ANKRD13B: variants seen among roughly 807,000 people sequenced by gnomAD.
The protein encoded by ANKRD13B is ankyrin repeat domain 13B.
ANKRD13B carries 33 observed loss-of-function variants against 74.4 expected under a neutral mutation model. The observed-to-expected ratio is 0.44, with a 90% CI of 0.34 to 0.59. The LOEUF (loss-of-function observed/expected upper bound fraction) is 0.59. Ranked by LOEUF, ANKRD13B falls within the 20% of genes least tolerant of loss-of-function variation. The pLI is 0.02. For synonymous variants in ANKRD13B, 341 were observed against 362.9 expected, an observed-to-expected ratio of 0.94 and a Z score of 0.68; for missense variants, 676 against 877.9, an observed-to-expected ratio of 0.77 and a Z score of 2.91.
At chr17:29,597,886 G>A (rs1437623514) in intron 1 of ANKRD13B, among the ~76,000 whole-genome samples, 13 of 152,162 alleles carry the variant, frequency 8.5e-5, no homozygotes, top group Non-Finnish European at 8.8e-5. Flanking sequence ...CCGCTCTCTG[G>A]AGCCTGGAGC....
At chr17:29,602,947 G>C (rs538782129) in intron 1 of ANKRD13B, among the ~76,000 whole-genome samples, 8 of 152,170 alleles carry the variant, frequency 5.3e-5, no homozygotes, top group Non-Finnish European at 8.8e-5. Context: ...CCCTTCCCGG[G>C]TTCAAGCGAT....
chr17:29,611,904 C>A lies in ANKRD13B; in HGVS notation c.998C>A (p.Ala333Asp). The A allele has an allele frequency of 6.2e-7, 1 of 1,613,432 alleles. No individual in the cohort carries two copies. Among genetic ancestry groups the A allele is most frequent in the Non-Finnish European group, 8.5e-7 (1 of 1,179,628 alleles). ...GTLITQTLSQ[A>D]NPTAITAEEY... ...CTGATCACTCAGACTCTGAGCCAAG[C>A]CAACCCCACTGCCATCACTGCAGAA... Residue 333 changes from alanine (A) to aspartate (D), a missense_variant, in exon 10 of 15, where the codon GCC becomes GAC. By Grantham distance (126) the Ala-to-Asp change is moderately radical (BLOSUM62 -2). Coordinates refer to ENST00000394859, the MANE Select transcript of ANKRD13B (RefSeq NM_152345.5). This position sits in a 1 kb window ranked among gnomAD's most constrained non-coding sequence, Gnocchi z 4.3.
At chr17:29,606,379 C>G (rs1389462817) in intron 1 of ANKRD13B, among the ~76,000 whole-genome samples, 1 of 148,216 alleles carries the variant, frequency 6.7e-6, no homozygotes, top group East Asian at 2.1e-4. Flanking sequence ...GGCAACATAT[C>G]AAAACCCCGT....
In ANKRD13B at chr17:29,612,069, A is replaced by G. The variant is rs778434852; in HGVS notation, c.1101-47A>G. On this transcript the variant is annotated intron_variant, in intron 10 of 14. Coordinates refer to ENST00000394859, the MANE Select transcript of ANKRD13B (RefSeq NM_152345.5). The surrounding 1 kb of genome is among the most constrained non-coding windows in gnomAD (Gnocchi z 6.1). ...GGGCTCCAGGAGATGCTGGGAGGCC[A>G]TGGCTTCCTGCAGTGTCCCTTACCC... 5.0e-6 allele frequency: 8 copies of G among 1,609,244 alleles called. No homozygotes were observed. Among genetic ancestry groups the G allele is most frequent in the Admixed American group, 1.7e-5 (1 of 59,730 alleles).
Position 29,608,124 on chromosome 17 carries a change from TC to T in ANKRD13B, c.375+15del, listed in dbSNP as rs2034453985. 1 of 1,613,420 alleles carries T rather than the reference TC, an allele frequency of 6.2e-7. No homozygotes were observed. Among genetic ancestry groups the T allele is most frequent in the Non-Finnish European group, 8.5e-7 (1 of 1,179,640 alleles). On this transcript the variant is annotated intron_variant, in intron 3 of 14. Transcript: ENST00000394859. The surrounding 1 kb of genome is among the most constrained non-coding windows in gnomAD (Gnocchi z 6.4). ...AAGCTGCGCAAGGTGAGGCCCAGCC[TC>T]TCAGCCTCCACGGGAGCCCTTGAGC...
chr17:29,604,035 G>A (rs1433430962), intron 1 of ANKRD13B, among the ~76,000 whole-genome samples: 1 of 151,172 alleles, frequency 6.6e-6, no homozygotes, highest in Admixed American at 6.6e-5. Flanking sequence ...GTGAGCCACC[G>A]CACCCTGCCT....
chr17:29,606,728 T>TAAAAAAA (rs370548766), intron 1 of ANKRD13B, among the ~76,000 whole-genome samples: 1 of 62,974 alleles, frequency 1.6e-5, no homozygotes, highest in Non-Finnish European at 2.9e-5. Context: ...CTGTCTCAAG[T>TAAAAAAA]AAAAAAAAAA....
chr17:29,610,570 T>C (rs1406775323), intron 7 of ANKRD13B, 115 bp from the exon 8 acceptor site: 9 of 747,860 alleles, frequency 1.2e-5, no homozygotes, highest in African/African-American at 1.8e-5. Context: ...CCCAAAAGCC[T>C]GAAGCAGAGT....
chr17:29,612,644 G>GC lies in ANKRD13B; in HGVS notation c.1412-3dup. 1 of 1,535,754 alleles carries GC rather than the reference G, an allele frequency of 6.5e-7. No homozygotes were observed. The highest frequency in any genetic ancestry group is 8.7e-7 in the Non-Finnish European group (1 of 1,146,908). On this transcript the variant is annotated splice_polypyrimidine_tract_variant and splice_region_variant and intron_variant, in intron 12 of 14. Coordinates refer to ENST00000394859, the MANE Select transcript of ANKRD13B (RefSeq NM_152345.5). The surrounding 1 kb of genome is among the most constrained non-coding windows in gnomAD (Gnocchi z 6.1). ...CGGCCGTGCCTGACCCAGCCCCCGC[G>GC]CCCCCAGCCTCCTGCCGCGGCTGCG...
In ANKRD13B at chr17:29,611,227, A is replaced by G. The variant is rs1241551587; in HGVS notation, c.905-352A>G. ...AGGGGAACAACATGAAATCATGCCT[A>G]TGGAAGTGCCTGAAGCAAACACACA... On this transcript the variant is annotated intron_variant, in intron 8 of 14. Transcript: ENST00000394859. This position sits in a 1 kb window ranked among gnomAD's most constrained non-coding sequence, Gnocchi z 4.3. 2.0e-5 allele frequency among the ~76,000 whole-genome samples: 3 copies of G among 152,212 alleles called. No homozygotes were observed. Among genetic ancestry groups the G allele is most frequent in the Non-Finnish European group, 4.4e-5 (3 of 68,028 alleles).
rs573758107 is a variant in ANKRD13B at position 29,602,223 on chromosome 17, G to A, written c.115-5519G>A. Among the ~76,000 whole-genome samples the A allele has an allele frequency of 3.2e-3, 479 of 151,760 alleles. 1 individual carries two copies. The highest frequency in any genetic ancestry group is 0.011 in the African/African-American group (464 of 41,342). On this transcript the variant is annotated intron_variant, in intron 1 of 14. Transcript: ENST00000394859. ...ATGCTGGCTAACACGGTGAAACCCC[G>A]TCTCTACTAAAAATACAAAAAATTA...
rs761046981 is a variant in ANKRD13B at position 29,613,472 on chromosome 17, C to T, written c.1771C>T (p.Arg591Trp). 3 of 1,532,884 alleles carry T rather than the reference C, an allele frequency of 2.0e-6. No homozygotes were observed. The African/African-American group carries it at 4.2e-5, about 22-fold the overall frequency. The allele number at this position is 1,532,884 out of a possible 1,614,324, so 95.0% of individuals were successfully genotyped here. Reference sequence around the variant, plus strand: ...GTTCCGGAGCTACGACGAGCAGCTGCGGCTGGCGATGGAACTGTCGGCGCA... The same window carrying T: ...GTTCCGGAGCTACGACGAGCAGCTGTGGCTGGCGATGGAACTGTCGGCGCA... ...HVFRSYDEQLRLAMELSAQEQ... is the reference protein window; with the variant it reads ...HVFRSYDEQLWLAMELSAQEQ... The change falls in exon 15 of 15, where the codon CGG becomes TGG. Residue 591 changes from arginine to tryptophan, a missense_variant. This residue lies in a region of ANKRD13B where 108 missense variants were observed against 90.3 expected (regional missense o/e 1.20). Coordinates refer to ENST00000394859, the MANE Select transcript of ANKRD13B (RefSeq NM_152345.5).
At chr17:29,599,579 C>T (rs983383852) in intron 1 of ANKRD13B, 4 of 151,766 alleles carry the variant, frequency 2.6e-5, no homozygotes, top group African/African-American at 9.7e-5. Flanking sequence ...TTTTTTTCCA[C>T]CTGAAAATGC....
At chr17:29,597,196 T>A (rs2033985141) in intron 1 of ANKRD13B, among the ~76,000 whole-genome samples, 1 of 152,224 alleles carries the variant, frequency 6.6e-6, no homozygotes, top group Non-Finnish European at 1.5e-5. Flanking sequence ...ATGCTTTTCA[T>A]ACTTCCCTTA....
chr17:29,613,355 A>G lies in ANKRD13B; in HGVS notation c.1654A>G (p.Ser552Gly). 1 of 1,454,034 alleles carries G rather than the reference A, an allele frequency of 6.9e-7. No homozygotes were observed. The highest frequency in any genetic ancestry group is 9.0e-7 in the Non-Finnish European group (1 of 1,111,642). 90.1% of individuals were successfully genotyped at this position (1,454,034 alleles called of 1,614,324 possible). A position where few individuals can be genotyped will look rare whatever the true frequency, so the allele number is the denominator to read the frequency against. Reference protein sequence around the residue: ...MSYEGRRQDRSAPPTPQRQPA... With the variant: ...MSYEGRRQDRGAPPTPQRQPA... Reference sequence around the variant, plus strand: ...GCGACATTCCTTCCCCACCCCCAGGAGCGCCCCGCCCACGCCGCAGCGCCA... The same window carrying G: ...GCGACATTCCTTCCCCACCCCCAGGGGCGCCCCGCCCACGCCGCAGCGCCA... The change falls in exon 15 of 15, where the codon AGC becomes GGC. Residue 552 changes from serine to glycine, a missense_variant and splice_region_variant. By Grantham distance (56) the Ser-to-Gly change is moderately conservative. Around this residue, in one of 4 missense-constraint regions of ANKRD13B, gnomAD observed 152 missense variants for 181.4 expected, o/e 0.84. Coordinates refer to ENST00000394859, the MANE Select transcript of ANKRD13B (RefSeq NM_152345.5).
chr17:29,608,363 G>A lies in ANKRD13B; in HGVS notation c.421+123G>A. ...TCCCTCTATGCCTTAGCTCAGCTCA[G>A]GGCCACCGCCTCAGCTAGGCCTTTC... On this transcript the variant is annotated intron_variant, in intron 4 of 14. Transcript: ENST00000394859. This position sits in a 1 kb window ranked among gnomAD's most constrained non-coding sequence, Gnocchi z 6.4. The A allele has an allele frequency of 7.8e-7, 1 of 1,288,884 alleles. No homozygotes were observed. The highest frequency in any genetic ancestry group is 1.1e-6 in the Non-Finnish European group (1 of 927,654). 79.8% of individuals were successfully genotyped at this position (1,288,884 alleles called of 1,614,324 possible).
At position 29,609,227 on chromosome 17, in the gene ANKRD13B, C is replaced by T. The variant is rs899646222; in HGVS notation, c.707C>T (p.Ala236Val). 23 of 1,613,000 alleles carry T rather than the reference C, an allele frequency of 1.4e-5. No homozygotes were observed. Among genetic ancestry groups the T allele is most frequent in the Admixed American group, 6.7e-5 (4 of 60,008 alleles). Residue 236 changes from alanine to valine, a missense_variant, in exon 6 of 15, where the codon GCG becomes GTG. This residue lies in a region of ANKRD13B where 328 missense variants were observed against 518.4 expected (regional missense o/e 0.63). Transcript: ENST00000394859. This position sits in a 1 kb window ranked among gnomAD's most constrained non-coding sequence, Gnocchi z 4.0. ...TEEQVLSRLT[A>V]PVVTTQLDTK... Reference sequence around the variant, plus strand: ...GAACAGGTGCTGAGCCGGCTTACCGCGCCCGTCGTCACCACTCAGCTTGAC... The same window carrying T: ...GAACAGGTGCTGAGCCGGCTTACCGTGCCCGTCGTCACCACTCAGCTTGAC...
At chr17:29,607,902 C>T (rs200009445) in intron 2 of ANKRD13B, 25 bp downstream of exon 2, 1 of 1,582,984 alleles carries the variant, frequency 6.3e-7, no homozygotes, top group Non-Finnish European at 8.6e-7. Flanking sequence ...TCACCCCAGC[C>T]CCACAGCCGG....
rs979129625 is a variant in ANKRD13B at position 29,611,478 on chromosome 17, G to C, written c.905-101G>C. ...GTTGGGTGAGCAGGCCCCACCCCAG[G>C]AACCGGCCTCCTCCCTAGGTCTTGG... is the stretch of plus-strand genomic sequence containing the variant. On this transcript the variant is annotated intron_variant, in intron 8 of 14. Transcript: ENST00000394859. This position sits in a 1 kb window ranked among gnomAD's most constrained non-coding sequence, Gnocchi z 4.3. 15 of 1,287,236 alleles carry C rather than the reference G, an allele frequency of 1.2e-5. No homozygotes were observed. Among genetic ancestry groups the C allele is most frequent in the Non-Finnish European group, 1.7e-5 (15 of 892,458 alleles). 79.7% of individuals were successfully genotyped at this position (1,287,236 alleles called of 1,614,324 possible).
Sources: allele counts gnomAD v4.1 joint callset (sites outside exome capture counted in the v4.1 genomes callset), GRCh38; gene constraint gnomAD v4.1.1; regional missense constraint gnomAD v4.1.1; non-coding constraint Gnocchi (gnomAD v3.1); transcripts MANE v1.5; gene names NCBI Gene and HGNC (gene_info 2026-07-23, HGNC 2026-07-21).